Variants in CHRM3 observed in about 807,000 individuals in gnomAD.
The protein encoded by CHRM3 is cholinergic receptor muscarinic 3.
Under a neutral mutation model 41.8 loss-of-function variants are expected in CHRM3, and 11 were observed. The ratio of observed to expected loss-of-function variants is 0.26; its 90% CI spans 0.17 to 0.44. The LOEUF (loss-of-function observed/expected upper bound fraction) is 0.44, where lower values mean the gene tolerates loss of function less well. CHRM3 is among the 20% of genes least tolerant of loss of function. The probability of loss-of-function intolerance (pLI) is 1.00; values close to 1 mark genes in which losing one functional copy is unlikely to be tolerated. For missense variants in CHRM3, 571 were observed against 745.4 expected (o/e 0.77, Z 2.72); for synonymous variants, 297 against 301.4 (o/e 0.99, Z 0.15).
chr1:239,601,307 G>A (rs1665508420), intron 3 of CHRM3, among the ~76,000 whole-genome samples: 1 of 152,158 alleles, frequency 6.6e-6, no homozygotes, highest in African/African-American at 2.4e-5. Flanking sequence ...GGCAATGTTG[G>A]GTTGTTTCCT....
At chr1:239,790,972 T>C (rs1227400815) in intron 5 of CHRM3, among the ~76,000 whole-genome samples, 1 of 151,868 alleles carries the variant, frequency 6.6e-6, no homozygotes, top group Non-Finnish European at 1.5e-5. Context: ...ACAAGAGAGA[T>C]TTTATTTTGT....
chr1:239,744,968 T>G (rs73122547), intron 5 of CHRM3, among the ~76,000 whole-genome samples: 154 of 152,112 alleles, frequency 1.0e-3, no homozygotes, highest in African/African-American at 3.3e-3. Context: ...ACTGGCTTAG[T>G]GCAAGGACAT....
At chr1:239,797,011 T>C (rs759227230) in intron 5 of CHRM3, among the ~76,000 whole-genome samples, 2 of 152,174 alleles carry the variant, frequency 1.3e-5, no homozygotes, top group Non-Finnish European at 1.5e-5. Context: ...AGTAGGACAA[T>C]ACACAGTAAT....
intron 3 of CHRM3, among the ~76,000 whole-genome samples, chr1:239,563,015 A>T (rs1378695025): frequency 6.6e-6 from 1 of 152,156 alleles, no homozygotes; most frequent in African/African-American, 2.4e-5. Flanking sequence ...TAGGCAAAGA[A>T]ACAGTACACT....
chr1:239,671,303 C>T (rs1302222743), intron 4 of CHRM3, among the ~76,000 whole-genome samples: 7 of 152,304 alleles, frequency 4.6e-5, no homozygotes, highest in South Asian at 2.1e-4. Flanking sequence ...CCAGGCTGGG[C>T]GCAGTGGCTC....
chr1:239,579,877 A>G (rs1359735171), intron 3 of CHRM3, among the ~76,000 whole-genome samples: 1 of 152,124 alleles, frequency 6.6e-6, no homozygotes, highest in Non-Finnish European at 1.5e-5. Flanking sequence ...AGGTAAGTAT[A>G]ATTGTCACCA....
intron 6 of CHRM3, among the ~76,000 whole-genome samples, chr1:239,905,011 T>C (rs1260782240): frequency 6.6e-6 from 1 of 152,194 alleles, no homozygotes; most frequent in Non-Finnish European, 1.5e-5. Flanking sequence ...AACTGCAAAA[T>C]TGTCTTTCAA....
chr1:239,702,703 T>TG (rs1558468974), intron 5 of CHRM3, among the ~76,000 whole-genome samples: 1 of 152,234 alleles, frequency 6.6e-6, no homozygotes, highest in Non-Finnish European at 1.5e-5. Context: ...CTCTGCCTCC[T>TG]GGGTTCAAGT....
intron 3 of CHRM3, among the ~76,000 whole-genome samples, chr1:239,566,253 G>A (rs1661354519): frequency 6.6e-6 from 1 of 152,176 alleles, no homozygotes; most frequent in Admixed American, 6.5e-5. Context: ...ATGTCTGCAA[G>A]AGCAGACCAA....
At chr1:239,613,609 G>T (rs905698224) in intron 3 of CHRM3, among the ~76,000 whole-genome samples, 1 of 152,304 alleles carries the variant, frequency 6.6e-6, no homozygotes, top group Non-Finnish European at 1.5e-5. Flanking sequence ...GGAAGCAAAG[G>T]CTCCATAGGG....
At chr1:239,508,724 G>A (rs141016681) in intron 2 of CHRM3, among the ~76,000 whole-genome samples, 8 of 152,200 alleles carry the variant, frequency 5.3e-5, no homozygotes, top group East Asian at 3.9e-4. Context: ...TATTGATTAC[G>A]TGAGTCATGA....
chr1:239,465,828 A>C lies in CHRM3; in HGVS notation c.-520-26881A>C, dbSNP rs1419580132. Among the ~76,000 whole-genome samples the C allele has an allele frequency of 1.3e-5, 2 of 152,010 alleles. 1 individual carries two copies. Among genetic ancestry groups the C allele is most frequent in the Non-Finnish European group, 2.9e-5 (2 of 67,998 alleles). On this transcript the variant is annotated intron_variant, in intron 1 of 6. Transcript: ENST00000676153. The stretch of plus-strand genomic sequence containing the variant: ...TCAGTAAACGTAGTACCAAGTATGT[A>C]AAAGTTACATCTCCCCTGCTTCCCT...
intron 5 of CHRM3, among the ~76,000 whole-genome samples, chr1:239,801,388 A>T (rs1417861423): frequency 2.0e-5 from 3 of 152,188 alleles, no homozygotes; most frequent in Non-Finnish European, 4.4e-5. Flanking sequence ...ACAAGATGGC[A>T]CTGTTTTCCA....
chr1:239,768,553 A>G (rs989825763), intron 5 of CHRM3, among the ~76,000 whole-genome samples: 12 of 152,220 alleles, frequency 7.9e-5, no homozygotes, highest in Admixed American at 2.0e-4. Flanking sequence ...GCTGTAAAGA[A>G]TAAAAGAATT....
chr1:239,744,174 C>T (rs964461850), intron 5 of CHRM3, among the ~76,000 whole-genome samples: 11 of 151,790 alleles, frequency 7.2e-5, no homozygotes, highest in Admixed American at 3.9e-4. Context: ...ATTGAACCAC[C>T]GTGTGTCTTA....
chr1:239,431,226 T>C (rs1662809755), intron 1 of CHRM3, among the ~76,000 whole-genome samples: 1 of 152,210 alleles, frequency 6.6e-6, no homozygotes, highest in Non-Finnish European at 1.5e-5. Context: ...CTATGCAACC[T>C]TGTTTATTGT....
At chr1:239,436,741 T>C (rs1663302035) in intron 1 of CHRM3, among the ~76,000 whole-genome samples, 1 of 152,092 alleles carries the variant, frequency 6.6e-6, no homozygotes, top group Admixed American at 6.5e-5. Flanking sequence ...TCTAAGTAAT[T>C]GACAGCTACT....
At chr1:239,565,785 A>G (rs1336401133) in intron 3 of CHRM3, among the ~76,000 whole-genome samples, 1 of 152,162 alleles carries the variant, frequency 6.6e-6, no homozygotes, top group Non-Finnish European at 1.5e-5. Flanking sequence ...AGAAAATAAA[A>G]TAACACCTCT....
At chr1:239,583,380 T>C (rs184683808) in intron 3 of CHRM3, among the ~76,000 whole-genome samples, 66 of 152,292 alleles carry the variant, frequency 4.3e-4, no homozygotes, top group African/African-American at 1.5e-3. Flanking sequence ...CAAGAAATAA[T>C]GCATTCATTC....
Sources: gnomAD v4.1 joint callset for allele counts (sites outside exome capture counted in the v4.1 genomes callset) on GRCh38, gnomAD v4.1.1 for gene constraint, MANE v1.5 for transcripts, NCBI Gene and HGNC (gene_info 2026-07-23, HGNC 2026-07-21) for gene names.